GRAMD4: variants seen among roughly 807,000 people sequenced by gnomAD.
GRAMD4 encodes GRAM domain containing 4, also known as GRAM domain-containing protein 4.
Under a neutral mutation model 83.9 loss-of-function variants are expected in GRAMD4, and 25 were observed. The ratio of observed to expected loss-of-function variants is 0.30; its 90% CI spans 0.22 to 0.42. The LOEUF is 0.42. GRAMD4 is among the 10% of genes least tolerant of loss of function. The pLI is 1.00. For missense variants in GRAMD4, 593 were observed against 788.7 expected (o/e 0.75, Z 2.97); for synonymous variants, 336 against 320.9 (o/e 1.05, Z -0.50).
chr22:46,585,376 G>GA (rs2081139533), intron 1 of GRAMD4, among the ~76,000 whole-genome samples: 1 of 152,100 alleles, frequency 6.6e-6, no homozygotes, highest in Non-Finnish European at 1.5e-5. Flanking sequence ...TTTTAGTAGA[G>GA]TCGGAGTTTC....
intron 3 of GRAMD4, among the ~76,000 whole-genome samples, chr22:46,643,083 T>C (rs867161669): frequency 0.01 from 127 of 12,370 alleles, no homozygotes; most frequent in Non-Finnish European, 0.012. Flanking sequence ...ATCTATCCAT[T>C]TATCCATCCA....
At chr22:46,593,050 A>G (rs1295525076) in intron 1 of GRAMD4, among the ~76,000 whole-genome samples, 2 of 146,194 alleles carry the variant, frequency 1.4e-5, no homozygotes, top group Non-Finnish European at 2.9e-5. Context: ...GAACAAAAAC[A>G]TAAAAGGAAT....
At chr22:46,664,240 G>C in intron 8 of GRAMD4, 123 bp downstream of exon 8, 1 of 725,308 alleles carries the variant, frequency 1.4e-6, no homozygotes, top group Non-Finnish European at 2.5e-6. Context: ...CAGGCCCCAG[G>C]GACATGCTCA....
chr22:46,611,020 G>C (rs1340965944), intron 1 of GRAMD4, among the ~76,000 whole-genome samples: 1 of 151,958 alleles, frequency 6.6e-6, no homozygotes, highest in Admixed American at 6.6e-5. Flanking sequence ...TTCGAGACCA[G>C]CCTGGCCAAC....
At chr22:46,590,662 G>A (rs1001708835) in intron 1 of GRAMD4, among the ~76,000 whole-genome samples, 14 of 152,244 alleles carry the variant, frequency 9.2e-5, no homozygotes, top group African/African-American at 2.9e-4. Flanking sequence ...CAGAGGTCCC[G>A]CCAGGGCGTG....
intron 2 of GRAMD4, among the ~76,000 whole-genome samples, chr22:46,636,897 GCT>G (rs1194811606): frequency 6.6e-6 from 1 of 152,240 alleles, no homozygotes; most frequent in East Asian, 1.9e-4. Context: ...GCTTGCTGGG[GCT>G]GTGAGCTGGG....
At chr22:46,578,269 C>T (rs1056956280) in intron 1 of GRAMD4, among the ~76,000 whole-genome samples, 3 of 152,120 alleles carry the variant, frequency 2.0e-5, no homozygotes, top group Admixed American at 2.0e-4. Flanking sequence ...AGTCCCAGCC[C>T]AGTGCAGCCC....
chr22:46,652,470 T>C (rs1335584031), intron 3 of GRAMD4, among the ~76,000 whole-genome samples: 3 of 152,182 alleles, frequency 2.0e-5, no homozygotes, highest in African/African-American at 7.2e-5. Context: ...ACGTTTGTGT[T>C]GTTTTAAGCC....
chr22:46,615,658 TCCC>T (rs2081474957), upstream of GRAMD4, among the ~76,000 whole-genome samples: 1 of 75,336 alleles, frequency 1.3e-5, no homozygotes, highest in Admixed American at 1.5e-4. Flanking sequence ...GCGTGTAGGT[TCCC>T]CCGTGCGTAG....
chr22:46,591,832 C>CAAAAAA (rs34868206), intron 1 of GRAMD4, among the ~76,000 whole-genome samples: 1 of 37,434 alleles, frequency 2.7e-5, no homozygotes, highest in African/African-American at 1.5e-4. Flanking sequence ...GACTCTGTCT[C>CAAAAAA]AAAAAAAAAA....
intron 3 of GRAMD4, among the ~76,000 whole-genome samples, chr22:46,650,574 G>T (rs2082151676): frequency 6.6e-6 from 1 of 152,272 alleles, no homozygotes; most frequent in Non-Finnish European, 1.5e-5. Context: ...TTGCCCCGGA[G>T]TGACCAGTGA....
intron 14 of GRAMD4, 115 bp downstream of exon 14, chr22:46,673,112 T>C (rs2082537934): frequency 1.2e-6 from 1 of 847,730 alleles, no homozygotes; most frequent in Non-Finnish European, 1.8e-6. Context: ...TTTCTTCAAT[T>C]TTATAGACTC....
At chr22:46,665,807 C>T in intron 9 of GRAMD4, 101 bp downstream of exon 9, 1 of 693,310 alleles carries the variant, frequency 1.4e-6, no homozygotes, top group Non-Finnish European at 2.6e-6. Context: ...GTATGTCATG[C>T]ACTGACGTTT....
At chr22:46,591,079 A>AAAAAAT in intron 1 of GRAMD4, among the ~76,000 whole-genome samples, 1 of 152,008 alleles carries the variant, frequency 6.6e-6, no homozygotes, top group African/African-American at 2.4e-5. Context: ...AGAAAAAAAA[A>AAAAAAT]CAAACAAACC....
intron 17 of GRAMD4, among the ~76,000 whole-genome samples, 164 bp from the exon 18 acceptor site, chr22:46,676,436 G>A (rs925182247): frequency 6.6e-6 from 1 of 152,230 alleles, no homozygotes; most frequent in Non-Finnish European, 1.5e-5. Context: ...CACAAAGTGA[G>A]GAGGTGTCCA....
At chr22:46,607,112 C>T (rs1392272483) in intron 1 of GRAMD4, among the ~76,000 whole-genome samples, 2 of 152,114 alleles carry the variant, frequency 1.3e-5, no homozygotes, top group East Asian at 1.9e-4. Context: ...GGCCCATGGG[C>T]GTGCAGGAGC....
At position 46,679,486 on chromosome 22, in the gene GRAMD4, T is replaced by A; in HGVS notation, c.*2235T>A. ...ATCGGCACGGGCTCTGGGCTCCCCG[T>A]GGAGAGAAGCTGTAGTTTTTACCAA... On this transcript the variant is annotated 3_prime_UTR_variant, in exon 19 of 19. Transcript: ENST00000406902. 1.0e-6 allele frequency: 1 copy of A among 985,568 alleles called. No homozygotes were observed. Among genetic ancestry groups the A allele is most frequent in the Non-Finnish European group, 1.2e-6 (1 of 829,872 alleles). The allele number at this position is 985,568 out of a possible 1,614,324, so 61.1% of individuals were successfully genotyped here.
rs2081135173 is a variant in GRAMD4, at chr22:46,585,021, C to A, written c.-50+7731C>A. On this transcript the variant is annotated intron_variant, in intron 1 of 1. Transcript: ENST00000431155. ...GCCTTTGAAAAGATCTACAGAGCCG[C>A]ATCTGCTGGGCTTTCTGTTAAGCAT... Among the ~76,000 whole-genome samples the A allele has an allele frequency of 2.6e-5, 4 of 152,208 alleles. No homozygotes were observed. The South Asian group carries it at 8.3e-4, about 31-fold the overall frequency.
intron 1 of GRAMD4, among the ~76,000 whole-genome samples, chr22:46,597,072 C>T (rs924499201): frequency 1.2e-4 from 18 of 152,270 alleles, no homozygotes; most frequent in Admixed American, 3.3e-4. Flanking sequence ...AAGTCCTGCC[C>T]TCCCCTGGGA....
Sources: gnomAD v4.1 joint callset for allele counts (sites outside exome capture counted in the v4.1 genomes callset) on GRCh38, gnomAD v4.1.1 for gene constraint, MANE v1.5 for transcripts, NCBI Gene and HGNC (gene_info 2026-07-23, HGNC 2026-07-21) for gene names.